Variants in BCKDHB observed in about 807,000 individuals in gnomAD.
The protein encoded by BCKDHB is 2-oxoisovalerate dehydrogenase subunit beta, mitochondrial.
In BCKDHB, 41 loss-of-function variants were observed where a neutral mutation model predicts 48.5. The ratio of observed to expected loss-of-function variants is 0.85; its 90% confidence interval spans 0.66 to 1.10. The LOEUF is 1.10. BCKDHB is among the 50% of genes least tolerant of loss of function. BCKDHB has a pLI of 0.00. For synonymous variants in BCKDHB, 201 were observed against 174.8 expected (o/e 1.15, Z -1.18); for missense variants, 496 against 494.2 (o/e 1.00, Z -0.03).
At chr6:80,260,733 A>G (rs2127950001) in intron 8 of BCKDHB, among the ~76,000 whole-genome samples, 1 of 152,318 alleles carries the variant, frequency 6.6e-6, no homozygotes, top group East Asian at 1.9e-4. Flanking sequence ...GCTTTGCTAA[A>G]TGTAACTTTA....
intron 9 of BCKDHB, among the ~76,000 whole-genome samples, chr6:80,299,637 A>G (rs907210178): frequency 1.3e-5 from 2 of 152,250 alleles, no homozygotes; most frequent in Admixed American, 6.5e-5. Flanking sequence ...AGGAGAAACA[A>G]AATCTTCCTC....
At chr6:80,432,464 G>A in the BCKDHB span, among the ~76,000 whole-genome samples, 1 of 151,972 alleles carries the variant, frequency 6.6e-6, no homozygotes, top group African/African-American at 2.4e-5. Flanking sequence ...TCTTCCGCTT[G>A]TTCGATTTGG....
In BCKDHB at chr6:80,284,020, C is replaced by T. The variant is rs1015809383; in HGVS notation, c.1038+10799C>T. ...ATCAGTAACAGGATGGGTCTGCCTC[C>T]TGGAGACAGAACTAAATTTCTCATT... On this transcript the variant is annotated intron_variant, in intron 9 of 9. Transcript: ENST00000320393. Among the ~76,000 whole-genome samples the T allele has an allele frequency of 4.6e-5, 7 of 152,072 alleles. No individual in the cohort carries two copies. In the South Asian group the frequency reaches 1.0e-3, roughly 22 times the overall value.
At chr6:80,308,336 A>C (rs1165349144) in intron 9 of BCKDHB, among the ~76,000 whole-genome samples, 2 of 152,102 alleles carry the variant, frequency 1.3e-5, no homozygotes, top group African/African-American at 4.8e-5. Flanking sequence ...TAGTAATTTA[A>C]ATATTCCTCT....
At chr6:80,299,685 C>G (rs1167298819) in intron 9 of BCKDHB, among the ~76,000 whole-genome samples, 1 of 152,146 alleles carries the variant, frequency 6.6e-6, no homozygotes, top group African/African-American at 2.4e-5. Context: ...TTCATCTAGA[C>G]CAGTCTTAAA....
At chr6:80,417,042 TG>T in the BCKDHB span, among the ~76,000 whole-genome samples, 1 of 152,182 alleles carries the variant, frequency 6.6e-6, no homozygotes, top group Admixed American at 6.5e-5. Flanking sequence ...GCTCCTGTGT[TG>T]GGTGCATATA....
chr6:80,416,151 C>T, the BCKDHB span, among the ~76,000 whole-genome samples: 2 of 149,980 alleles, frequency 1.3e-5, no homozygotes, highest in South Asian at 4.2e-4. Context: ...GTGTATTTGT[C>T]TTCTCTCTTT....
intron 8 of BCKDHB, among the ~76,000 whole-genome samples, chr6:80,258,018 T>C (rs1777132154): frequency 6.6e-6 from 1 of 151,968 alleles, no homozygotes; most frequent in East Asian, 1.9e-4. Flanking sequence ...AATCAGGACA[T>C]GAATTGTTTA....
rs2505930 is a variant in BCKDHB at position 80,127,341 on chromosome 6, A to G, written c.197-206A>G. The G allele has an allele frequency of 0.65, 354,150 of 543,640 alleles. 118,035 individuals carry two copies. The highest frequency in any genetic ancestry group is 0.85 in the African/African-American group (44,608 of 52,682). The allele number at this position is 543,640 out of a possible 1,614,324, so 33.7% of individuals were successfully genotyped here. A position where few individuals can be genotyped will look rare whatever the true frequency, so the allele number is the denominator to read the frequency against. ...TTATACTTTTACAAAAAATTGTTTA[A>G]TATGGGTAAATTTTGCCCCATTAAC... On this transcript the variant is annotated intron_variant, in intron 1 of 9. Transcript: ENST00000320393.
intron 8 of BCKDHB, among the ~76,000 whole-genome samples, chr6:80,258,175 TTAAAA>T (rs1240742690): frequency 6.6e-6 from 1 of 152,210 alleles, no homozygotes; most frequent in East Asian, 1.9e-4. Context: ...TCTGTGTTGT[TTAAAA>T]CAAAACAAAA....
chr6:80,396,075 C>T, the BCKDHB span, among the ~76,000 whole-genome samples: 5 of 152,240 alleles, frequency 3.3e-5, no homozygotes, highest in Non-Finnish European at 7.3e-5. Flanking sequence ...TGGAGAACCA[C>T]TACCAGGGCA....
chr6:80,358,764 A>C, the BCKDHB span, among the ~76,000 whole-genome samples: 1 of 152,200 alleles, frequency 6.6e-6, no homozygotes, highest in South Asian at 2.1e-4. Flanking sequence ...ACAGAGTTTT[A>C]CTTTGTAGCG....
At chr6:80,122,333 A>G (rs1770072254) in intron 1 of BCKDHB, among the ~76,000 whole-genome samples, 1 of 152,188 alleles carries the variant, frequency 6.6e-6, no homozygotes, top group Admixed American at 6.5e-5. Context: ...TGTGTCTGTC[A>G]GGCTTTGGTA....
In BCKDHB at chr6:80,267,768, A is replaced by C. The variant is rs116277757; in HGVS notation, c.952-5367A>C. Among the ~76,000 whole-genome samples, 1,464 of 152,232 alleles carry C rather than the reference A, an allele frequency of 9.6e-3. 30 individuals are homozygous for C. The highest frequency in any genetic ancestry group is 0.033 in the African/African-American group (1,388 of 41,546). ...GTTCTGATTATACAAATCATTGAGGAAAAAATGAACCAGTGAGGATGTACA... is the reference window on the plus strand; with the variant it reads ...GTTCTGATTATACAAATCATTGAGGCAAAAATGAACCAGTGAGGATGTACA... On this transcript the variant is annotated intron_variant, in intron 8 of 9. Transcript: ENST00000320393.
Position 80,273,122 on chromosome 6 carries a change from T to G in BCKDHB, c.952-13T>G. 1 of 1,609,698 alleles carries G rather than the reference T, an allele frequency of 6.2e-7. No homozygotes were observed. Among genetic ancestry groups the G allele is most frequent in the South Asian group, 1.1e-5 (1 of 90,962 alleles). On this transcript the variant is annotated splice_polypyrimidine_tract_variant and intron_variant, in intron 8 of 9. Coordinates refer to ENST00000320393, the MANE Select transcript of BCKDHB (RefSeq NM_183050.4). ...TATTCTTTTTAACATCAGGTTTTTC[T>G]TTTCTCTTTCAGTCTGTGATCAAAA...
chr6:80,127,400 T>G, intron 1 of BCKDHB, 147 bp from the exon 2 acceptor site: 1 of 716,752 alleles, frequency 1.4e-6, no homozygotes, highest in Non-Finnish European at 2.4e-6. Flanking sequence ...TTTTGTATCT[T>G]ATAGTATTAT....
chr6:80,341,981 A>G lies in BCKDHB; in HGVS notation c.1039-1683A>G, dbSNP rs887820149. 3.9e-5 allele frequency among the ~76,000 whole-genome samples: 6 copies of G among 152,328 alleles called. No individual in the cohort carries two copies. The East Asian group carries it at 7.7e-4, about 20-fold the overall frequency. ...TTAAACCGTGTGTATTAAAAGTCCTAAAGTTGTTCGTGGAGATTTCCAGTT... is the reference window on the plus strand; with the variant it reads ...TTAAACCGTGTGTATTAAAAGTCCTGAAGTTGTTCGTGGAGATTTCCAGTT... On this transcript the variant is annotated intron_variant, in intron 9 of 9. Transcript: ENST00000320393.
intron 8 of BCKDHB, among the ~76,000 whole-genome samples, chr6:80,225,148 G>T (rs1227933098): frequency 1.3e-5 from 2 of 152,056 alleles, no homozygotes; most frequent in Admixed American, 1.3e-4. Context: ...AAATCTCCTG[G>T]TTTGCAGATG....
chr6:80,343,560 A>G, intron 9 of BCKDHB, 104 bp from the exon 10 acceptor site: 1 of 1,239,460 alleles, frequency 8.1e-7, no homozygotes, highest in Non-Finnish European at 1.2e-6. Context: ...TAATGTCCTT[A>G]GATGCAATTG....
Sources: allele counts gnomAD v4.1 joint callset (sites outside exome capture counted in the v4.1 genomes callset), GRCh38; gene constraint gnomAD v4.1.1; transcripts MANE v1.5; gene names NCBI Gene and HGNC (gene_info 2026-07-23, HGNC 2026-07-21).